Variants in ARHGAP29 observed in about 807,000 individuals in gnomAD.
ARHGAP29 encodes the protein rho GTPase-activating protein 29.
In ARHGAP29, 43 loss-of-function variants were observed where a neutral mutation model predicts 122.6. That is an observed-to-expected ratio of 0.35 (90% CI 0.27 to 0.45). The LOEUF is 0.45. ARHGAP29 is among the 20% of genes least tolerant of loss of function. The pLI, the probability that ARHGAP29 is intolerant of heterozygous loss-of-function variation, is 1.00. For synonymous variants in ARHGAP29, 506 were observed against 497.1 expected (o/e 1.02, Z -0.24); for missense variants, 1,303 against 1,477.2 (o/e 0.88, Z 1.93).
rs539066349 is a variant in ARHGAP29 at position 94,169,514 on chromosome 1, G to C, written c.*4355C>G. Among the ~76,000 whole-genome samples the C allele has an allele frequency of 6.6e-6, 1 of 152,286 alleles. No homozygotes were observed. Among genetic ancestry groups the C allele is most frequent in the South Asian group, 2.1e-4 (1 of 4,826 alleles). On this transcript the variant is annotated 3_prime_UTR_variant, in exon 23 of 23. Transcript: ENST00000260526. ...GAGAAGGAAGTTACAAAGATGGAAA[G>C]GGAGACTAGATTAACCTCAAAGGAT... is the stretch of plus-strand genomic sequence containing the variant.
At chr1:94,307,036 G>A in the ARHGAP29 span, among the ~76,000 whole-genome samples, 2 of 151,992 alleles carry the variant, frequency 1.3e-5, no homozygotes, top group African/African-American at 4.8e-5. Context: ...TTATTATTTG[G>A]TGAAAGAAAA....
the ARHGAP29 span, among the ~76,000 whole-genome samples, chr1:94,292,281 G>A: frequency 2.5e-4 from 38 of 152,154 alleles, no homozygotes; most frequent in South Asian, 1.9e-3. Flanking sequence ...CGAAGTTCTC[G>A]TACTGTGGTT....
intron 12 of ARHGAP29, 140 bp downstream of exon 12, chr1:94,201,580 T>C (rs1278147043): frequency 1.4e-6 from 1 of 737,162 alleles, no homozygotes; most frequent in Admixed American, 3.5e-5. Context: ...TAATCGAAGC[T>C]CACTATAACC....
At chr1:94,246,231 T>C (rs1653789211) in intron 1 of ARHGAP29, among the ~76,000 whole-genome samples, 1 of 152,178 alleles carries the variant, frequency 6.6e-6, no homozygotes. Context: ...AAGGAGGCAT[T>C]TTGAAATAAG....
intron 11 of ARHGAP29, 25 bp from the exon 12 acceptor site, chr1:94,201,882 A>AAG: frequency 6.5e-7 from 1 of 1,542,046 alleles, no homozygotes; most frequent in Non-Finnish European, 8.7e-7. Context: ...CAGAAAAAAA[A>AAG]ATAACACTAG....
chr1:94,210,355 C>T (rs1240212317), intron 3 of ARHGAP29, among the ~76,000 whole-genome samples: 1 of 152,186 alleles, frequency 6.6e-6, no homozygotes, highest in Non-Finnish European at 1.5e-5. Flanking sequence ...CTGGGTCCCA[C>T]TAATCAAAGA....
At chr1:94,201,573 T>C in intron 12 of ARHGAP29, 147 bp downstream of exon 12, 1 of 631,636 alleles carries the variant, frequency 1.6e-6, no homozygotes, top group Non-Finnish European at 2.4e-6. Flanking sequence ...GTAATCATAA[T>C]CGAAGCTCAC....
At chr1:94,206,996 G>C (rs1013711710) in intron 5 of ARHGAP29, among the ~76,000 whole-genome samples, 1 of 145,098 alleles carries the variant, frequency 6.9e-6, no homozygotes, top group African/African-American at 2.6e-5. Context: ...GAGAGAAGGA[G>C]CAACTTTTAT....
At chr1:94,208,123 C>A (rs953130507) in intron 5 of ARHGAP29, among the ~76,000 whole-genome samples, 3 of 151,960 alleles carry the variant, frequency 2.0e-5, no homozygotes, top group Non-Finnish European at 4.4e-5. Context: ...TAGGTGTGTG[C>A]CACCACACCT....
Position 94,173,483 on chromosome 1 carries a change from A to G in ARHGAP29, c.*386T>C, listed in dbSNP as rs1179098095. The G allele has an allele frequency of 6.0e-6, 1 of 167,730 alleles. No homozygotes were observed. The highest frequency in any genetic ancestry group is 2.4e-5 in the African/African-American group (1 of 41,720). The allele number at this position is 167,730 out of a possible 1,614,324, so 10.4% of individuals were successfully genotyped here. On this transcript the variant is annotated 3_prime_UTR_variant, in exon 23 of 23. Coordinates refer to ENST00000260526, the MANE Select transcript of ARHGAP29 (RefSeq NM_004815.4). ...ACATTCCTTTTATAAATAAGCACTT[A>G]TAACAGTTCCACTCCAAAAAATAAA... is the stretch of plus-strand genomic sequence containing the variant.
At position 94,207,447 on chromosome 1, in the gene ARHGAP29, A is replaced by C. The variant is rs1382347957; in HGVS notation, c.510+1385T>G. Among the ~76,000 whole-genome samples, 8 of 152,202 alleles carry C rather than the reference A, an allele frequency of 5.3e-5. No homozygotes were observed. In the South Asian group the frequency reaches 1.4e-3, roughly 28 times the overall value. ...AAGTACAAAAGAAAAAAAAGAAAAA[A>C]GTATTTTTTCCTGTTAAGAATTAGT... On this transcript the variant is annotated intron_variant, in intron 5 of 22. Transcript: ENST00000260526.
At chr1:94,186,215 T>C (rs1295534601) in intron 16 of ARHGAP29, among the ~76,000 whole-genome samples, 3 of 152,196 alleles carry the variant, frequency 2.0e-5, no homozygotes, top group Non-Finnish European at 4.4e-5. Flanking sequence ...ATTAGGTTTA[T>C]GAAAATGCAC....
intron 15 of ARHGAP29, among the ~76,000 whole-genome samples, chr1:94,187,198 T>C (rs1004143874): frequency 1.3e-5 from 2 of 152,200 alleles, no homozygotes; most frequent in Admixed American, 1.3e-4. Context: ...AAAGCATGTT[T>C]GGAAGCAGCT....
intron 12 of ARHGAP29, among the ~76,000 whole-genome samples, chr1:94,198,251 G>A (rs181758017): frequency 6.6e-6 from 1 of 152,230 alleles, no homozygotes; most frequent in East Asian, 1.9e-4. Flanking sequence ...CAAGGTGGGT[G>A]GATTCCTTGA....
At position 94,197,571 on chromosome 1, in the gene ARHGAP29, A is replaced by G. The variant is rs139191914; in HGVS notation, c.1281+4149T>C. Among the ~76,000 whole-genome samples, 115 of 152,304 alleles carry G rather than the reference A, an allele frequency of 7.6e-4. 1 individual carries two copies. Among genetic ancestry groups the G allele is most frequent in the Admixed American group, 9.8e-4 (15 of 15,300 alleles). On this transcript the variant is annotated intron_variant, in intron 12 of 22. Transcript: ENST00000260526. ...CTAGACAAAAACATTTTTTTTAGACATATCAATCTTTCACTGAGAGAAAAA... is the reference window on the plus strand; with the variant it reads ...CTAGACAAAAACATTTTTTTTAGACGTATCAATCTTTCACTGAGAGAAAAA...
At chr1:94,182,833 AAAC>A (rs1649562969) in intron 19 of ARHGAP29, among the ~76,000 whole-genome samples, 1 of 152,062 alleles carries the variant, frequency 6.6e-6, no homozygotes, top group Non-Finnish European at 1.5e-5. Flanking sequence ...AAACAAAACA[AAAC>A]AAAACAAAAC....
At chr1:94,184,098 A>G (rs1263654954) in intron 19 of ARHGAP29, 53 bp downstream of exon 19, 6 of 1,562,632 alleles carry the variant, frequency 3.8e-6, no homozygotes, top group East Asian at 2.2e-5. Flanking sequence ...AATACAAATC[A>G]TATTTTTGCT....
chr1:94,249,232 A>G (rs138416191), intron 1 of ARHGAP29, among the ~76,000 whole-genome samples: 1 of 152,354 alleles, frequency 6.6e-6, no homozygotes, highest in African/African-American at 2.4e-5. Context: ...GCTCATGATC[A>G]TGGTTTTGGA....
chr1:94,314,079 T>G, the ARHGAP29 span, among the ~76,000 whole-genome samples: 3 of 152,244 alleles, frequency 2.0e-5, no homozygotes, highest in East Asian at 3.9e-4. Context: ...ACATATGTAA[T>G]AAACCTGCAC....
Sources: allele counts gnomAD v4.1 joint callset (sites outside exome capture counted in the v4.1 genomes callset), GRCh38; gene constraint gnomAD v4.1.1; transcripts MANE v1.5; gene names NCBI Gene and HGNC (gene_info 2026-07-23, HGNC 2026-07-21).